Variants in ZEB1 observed in about 807,000 individuals in gnomAD.
ZEB1 encodes zinc finger E-box binding homeobox 1, also known as zinc finger E-box-binding homeobox 1.
ZEB1 carries 21 observed loss-of-function variants against 84.9 expected under a neutral mutation model. That is an observed-to-expected ratio of 0.25 (90% CI 0.18 to 0.36). The LOEUF (loss-of-function observed/expected upper bound fraction) is 0.36, where lower values mean the gene tolerates loss of function less well. ZEB1 is among the 10% of genes least tolerant of loss of function. The pLI is 1.00. For synonymous variants in ZEB1, 420 were observed against 471.1 expected (o/e 0.89, Z 1.41); for missense variants, 1,104 against 1,330.2 (o/e 0.83, Z 2.65).
intron 1 of ZEB1, among the ~76,000 whole-genome samples, chr10:31,427,728 G>C (rs161261): frequency 6.6e-6 from 1 of 151,908 alleles, no homozygotes; most frequent in African/African-American, 2.4e-5. Context: ...GCGTGGTGGC[G>C]GGCGCCTGTA....
chr10:31,501,850 C>A lies in ZEB1; in HGVS notation c.323-498C>A, dbSNP rs373874811. ...CTCCCTCGCTCGCTCTCAAATTATT[C>A]TTCTTGTACTGTATTCACCTGATTT... On this transcript the variant is annotated intron_variant, in intron 3 of 8. Transcript: ENST00000424869. Among the ~76,000 whole-genome samples, 47 of 152,232 alleles carry A rather than the reference C, an allele frequency of 3.1e-4. 1 individual carries two copies. Among genetic ancestry groups the A allele is most frequent in the African/African-American group, 8.2e-4 (34 of 41,558 alleles).
chr10:31,470,439 G>A (rs1327588366), intron 2 of ZEB1, among the ~76,000 whole-genome samples: 2 of 150,988 alleles, frequency 1.3e-5, no homozygotes, highest in East Asian at 1.9e-4. Flanking sequence ...GAGCCAATGC[G>A]ATCAACTGGA....
At chr10:31,327,136 G>C (rs1464959428) in intron 1 of ZEB1, among the ~76,000 whole-genome samples, 3 of 102,564 alleles carry the variant, frequency 2.9e-5, no homozygotes, top group Non-Finnish European at 5.3e-5. Flanking sequence ...CAGTTTGACA[G>C]TTTGACTCTT....
intron 2 of ZEB1, among the ~76,000 whole-genome samples, chr10:31,461,619 T>C (rs1205788128): frequency 6.6e-6 from 1 of 152,094 alleles, no homozygotes; most frequent in Non-Finnish European, 1.5e-5. Flanking sequence ...CCCAAACACA[T>C]ATAAATCATG....
At chr10:31,374,329 C>T (rs1291803170) in intron 1 of ZEB1, among the ~76,000 whole-genome samples, 2 of 151,746 alleles carry the variant, frequency 1.3e-5, no homozygotes, top group Non-Finnish European at 3.0e-5. Context: ...GTGACAAGCA[C>T]CCAGCACAGC....
chr10:31,469,454 C>T (rs1050514822), intron 2 of ZEB1, among the ~76,000 whole-genome samples: 4 of 152,084 alleles, frequency 2.6e-5, no homozygotes, highest in Admixed American at 1.3e-4. Context: ...GGGTGACAGA[C>T]GGCACCTGGA....
intron 2 of ZEB1, among the ~76,000 whole-genome samples, chr10:31,469,821 G>C (rs1457420670): frequency 6.6e-6 from 1 of 152,204 alleles, no homozygotes; most frequent in Non-Finnish European, 1.5e-5. Context: ...CTGTCTGACA[G>C]CTTTGAAGAG....
intron 1 of ZEB1, among the ~76,000 whole-genome samples, chr10:31,403,389 C>T (rs1378334918): frequency 6.6e-6 from 1 of 151,734 alleles, no homozygotes; most frequent in African/African-American, 2.4e-5. Flanking sequence ...AAACACTTAA[C>T]CTACATTCTC....
At chr10:31,405,558 C>CT (rs2052819300) in intron 1 of ZEB1, among the ~76,000 whole-genome samples, 1 of 151,946 alleles carries the variant, frequency 6.6e-6, no homozygotes, top group African/African-American at 2.4e-5. Context: ...TGCTTGTAAA[C>CT]TTTATTTTTT....
chr10:31,526,120 G>C (rs1257381686), intron 8 of ZEB1, among the ~76,000 whole-genome samples: 2 of 152,008 alleles, frequency 1.3e-5, no homozygotes, highest in African/African-American at 2.4e-5. Flanking sequence ...TTCTTAGGGG[G>C]CAAAAAAGTC....
intron 1 of ZEB1, among the ~76,000 whole-genome samples, chr10:31,440,262 T>A (rs1032947061): frequency 1.4e-4 from 21 of 152,044 alleles, no homozygotes; most frequent in Non-Finnish European, 2.5e-4. Flanking sequence ...GGTAAAAAAT[T>A]TCCCATTAGA....
intron 1 of ZEB1, among the ~76,000 whole-genome samples, chr10:31,385,677 G>A (rs890043009): frequency 4.6e-5 from 7 of 151,868 alleles, no homozygotes; most frequent in South Asian, 4.2e-4. Context: ...ACAGGCGCTT[G>A]CCACCACATC....
At chr10:31,522,462 T>C (rs1322699336) in intron 7 of ZEB1, among the ~76,000 whole-genome samples, 1 of 152,226 alleles carries the variant, frequency 6.6e-6, no homozygotes, top group East Asian at 1.9e-4. Context: ...CTGATCATTT[T>C]ATGAACTGTG....
chr10:31,351,030 T>A (rs2041232851), intron 1 of ZEB1, among the ~76,000 whole-genome samples: 1 of 152,176 alleles, frequency 6.6e-6, no homozygotes, highest in Admixed American at 6.5e-5. Context: ...CCCATTATGT[T>A]CACTTTCTCT....
chr10:31,527,630 TATC>T lies in ZEB1; in HGVS notation c.*368_*370del, dbSNP rs2073740880. The T allele has an allele frequency of 4.3e-6, 1 of 230,872 alleles. No individual in the cohort carries two copies. Among genetic ancestry groups the T allele is most frequent in the Non-Finnish European group, 8.6e-6 (1 of 116,444 alleles). The allele number at this position is 230,872 out of a possible 1,614,324, so 14.3% of individuals were successfully genotyped here. Reference sequence around the variant, plus strand: ...ATATGCATCTGGCATTGTTTTATCTTATCAGTATTATCACTCTTATGTTGGTTT... The same window carrying T: ...ATATGCATCTGGCATTGTTTTATCTTAGTATTATCACTCTTATGTTGGTTT... On this transcript the variant is annotated 3_prime_UTR_variant, in exon 9 of 9. Transcript: ENST00000424869.
In ZEB1 at chr10:31,527,353, A is replaced by G; in HGVS notation, c.*89A>G. 5 of 1,515,206 alleles carry G rather than the reference A, an allele frequency of 3.3e-6. No homozygotes were observed. Among genetic ancestry groups the G allele is most frequent in the Non-Finnish European group, 4.4e-6 (5 of 1,129,726 alleles). The allele number at this position is 1,515,206 out of a possible 1,614,324, so 93.9% of individuals were successfully genotyped here. A position where few individuals can be genotyped will look rare whatever the true frequency, so the allele number is the denominator to read the frequency against. On this transcript the variant is annotated 3_prime_UTR_variant, in exon 9 of 9. Coordinates refer to ENST00000424869, the MANE Select transcript of ZEB1 (RefSeq NM_001174096.2). The stretch of plus-strand genomic sequence containing the variant: ...TTTTCATGGAAACACAGTAACCTGT[A>G]TGCTGTGATTCCTGTTCACTACTGT...
At chr10:31,372,931 C>A in intron 1 of ZEB1, 1 of 873,114 alleles carries the variant, frequency 1.1e-6, no homozygotes, top group Non-Finnish European at 1.4e-6. Context: ...GGAGGCAAAT[C>A]ATATTCACGT....
At chr10:31,415,087 A>G (rs1014926017) in intron 1 of ZEB1, among the ~76,000 whole-genome samples, 10 of 152,212 alleles carry the variant, frequency 6.6e-5, no homozygotes, top group Middle Eastern at 3.4e-3. Flanking sequence ...GCCCACCTCC[A>G]TCTTCTTACG....
In ZEB1 at chr10:31,461,350, T is replaced by G. The variant is rs1223915852; in HGVS notation, c.259+113T>G. On this transcript the variant is annotated intron_variant, in intron 2 of 8. Transcript: ENST00000424869. The stretch of plus-strand genomic sequence containing the variant: ...GTTTGAAATCAATAGTAAATTTGGC[T>G]ATCAATAAATATTAGGTGTCCTACT... The G allele has an allele frequency of 9.0e-6, 10 of 1,111,654 alleles. No individual in the cohort carries two copies. The Admixed American group carries it at 1.9e-4, about 21-fold the overall frequency. 68.9% of individuals were successfully genotyped at this position (1,111,654 alleles called of 1,614,324 possible). A position where few individuals can be genotyped will look rare whatever the true frequency, so the allele number is the denominator to read the frequency against.
Sources: gnomAD v4.1 joint callset for allele counts (sites outside exome capture counted in the v4.1 genomes callset) on GRCh38, gnomAD v4.1.1 for gene constraint, MANE v1.5 for transcripts, NCBI Gene and HGNC (gene_info 2026-07-23, HGNC 2026-07-21) for gene names.